VPS35L: variants seen among roughly 807,000 people sequenced by gnomAD.
The protein encoded by VPS35L is VPS35 endosomal protein-sorting factor-like.
Under a neutral mutation model 133.0 loss-of-function variants are expected in VPS35L, and 83 were observed. That is an observed-to-expected ratio of 0.62 (90% CI 0.52 to 0.75). The LOEUF (loss-of-function observed/expected upper bound fraction) is 0.75. Ranked by LOEUF, VPS35L falls within the 30% of genes least tolerant of loss-of-function variation. VPS35L has a pLI of 0.00. For missense variants in VPS35L, 1,083 were observed against 1,206.8 expected, an observed-to-expected ratio of 0.90 and a Z score of 1.52; for synonymous variants, 423 against 449.9, an observed-to-expected ratio of 0.94 and a Z score of 0.76.
chr16:19,589,182 T>C (rs1177749329), intron 7 of VPS35L, among the ~76,000 whole-genome samples: 2 of 152,348 alleles, frequency 1.3e-5, no homozygotes, highest in East Asian at 3.9e-4. Flanking sequence ...AGTAATGGTC[T>C]ACTTCTTTCC....
At chr16:19,666,547 A>G (rs531812459) in intron 26 of VPS35L, among the ~76,000 whole-genome samples, 13 of 152,330 alleles carry the variant, frequency 8.5e-5, no homozygotes, top group Non-Finnish European at 1.0e-4. Flanking sequence ...TGCATGCCCC[A>G]ACCTTTAAAT....
intron 5 of VPS35L, among the ~76,000 whole-genome samples, chr16:19,576,241 C>T (rs1402222215): frequency 6.6e-6 from 1 of 150,908 alleles, no homozygotes; most frequent in Non-Finnish European, 1.5e-5. Context: ...TTAAGAATTA[C>T]AGAGGAAGTA....
chr16:19,564,600 T>C (rs976582868), intron 1 of VPS35L, among the ~76,000 whole-genome samples: 20 of 152,306 alleles, frequency 1.3e-4, no homozygotes, highest in African/African-American at 4.3e-4. Flanking sequence ...TATTTTACCA[T>C]GTTGGCCAGG....
chr16:19,579,354 G>A (rs1467964630), intron 6 of VPS35L: 1 of 494,556 alleles, frequency 2.0e-6, no homozygotes, highest in East Asian at 3.3e-5. Context: ...TTCTCATTGT[G>A]ATGCCTGAGC....
intron 17 of VPS35L, 123 bp from the exon 18 acceptor site, chr16:19,629,644 C>A: frequency 2.8e-6 from 2 of 713,208 alleles, no homozygotes; most frequent in Non-Finnish European, 4.8e-6. Flanking sequence ...GCCTTTAAGC[C>A]AGTAATTAGC....
rs545505322 is a variant in VPS35L, at chr16:19,692,593, C to T, written c.2646+1122C>T. The stretch of plus-strand genomic sequence containing the variant: ...TTTTATTTTTTTTGAGACGGAGTTT[C>T]GCTCTTGTTGCCCAGGCTGGAGTGC... On this transcript the variant is annotated intron_variant, in intron 29 of 30. Transcript: ENST00000417362. Among the ~76,000 whole-genome samples the T allele has an allele frequency of 6.6e-5, 10 of 151,952 alleles. 1 individual carries two copies. The highest frequency in any genetic ancestry group is 1.7e-4 in the African/African-American group (7 of 41,334).
intron 14 of VPS35L, 74 bp from the exon 15 acceptor site, chr16:19,626,103 T>C (rs1224410248): frequency 2.0e-6 from 2 of 980,066 alleles, no homozygotes; most frequent in Non-Finnish European, 3.0e-6. Context: ...AGTTCGACTT[T>C]GGAAATCTCT....
At chr16:19,611,435 T>A (rs1481677658) in intron 12 of VPS35L, among the ~76,000 whole-genome samples, 1 of 152,204 alleles carries the variant, frequency 6.6e-6, no homozygotes, top group African/African-American at 2.4e-5. Context: ...TTGCACCTGA[T>A]AAGCCCCAGA....
In VPS35L at chr16:19,656,757, C is replaced by G. The variant is rs190042889; in HGVS notation, c.2221+4667C>G. Among the ~76,000 whole-genome samples, 30 of 151,946 alleles carry G rather than the reference C, an allele frequency of 2.0e-4. No individual in the cohort carries two copies. In the South Asian group the frequency reaches 2.1e-3, roughly 11 times the overall value. On this transcript the variant is annotated intron_variant, in intron 26 of 30. Transcript: ENST00000417362. Reference sequence around the variant, plus strand: ...GAAAGTATGCCATGGGTTTTAGGAGCTAACTGTATACAGTACGTTGAGAGC... The same window carrying G: ...GAAAGTATGCCATGGGTTTTAGGAGGTAACTGTATACAGTACGTTGAGAGC...
intron 27 of VPS35L, among the ~76,000 whole-genome samples, chr16:19,672,384 GTGA>G (rs1832447230): frequency 6.6e-6 from 1 of 152,216 alleles, no homozygotes; most frequent in African/African-American, 2.4e-5. Context: ...CCTTTTTGGG[GTGA>G]TGATATGTTC....
At chr16:19,637,691 G>T (rs375345877) in intron 20 of VPS35L, 35 bp downstream of exon 20, 3 of 1,452,522 alleles carry the variant, frequency 2.1e-6, no homozygotes, top group South Asian at 1.2e-5. Context: ...TTGGAAATTT[G>T]TACCTGGCTC....
At chr16:19,616,258 A>T (rs2151553137) in intron 13 of VPS35L, 67 bp downstream of exon 13, 1 of 1,439,030 alleles carries the variant, frequency 6.9e-7, no homozygotes, top group Non-Finnish European at 9.7e-7. Context: ...CACAAAACCC[A>T]GTTGGTTTTC....
intron 11 of VPS35L, among the ~76,000 whole-genome samples, chr16:19,609,775 A>G (rs1972651871): frequency 6.6e-6 from 1 of 152,164 alleles, no homozygotes; most frequent in African/African-American, 2.4e-5. Flanking sequence ...TTGGGGGAAT[A>G]ACATGGGGGC....
Position 19,633,492 on chromosome 16 carries a change from G to A in VPS35L, c.1635+320G>A, listed in dbSNP as rs146304819. ...TTGTTGTCACCAGTAAGTAAACTGCGAGTATTTTTAGTTAAATCAACTTTG... is the reference window on the plus strand; with the variant it reads ...TTGTTGTCACCAGTAAGTAAACTGCAAGTATTTTTAGTTAAATCAACTTTG... On this transcript the variant is annotated intron_variant, in intron 19 of 30. Coordinates refer to ENST00000417362, the MANE Select transcript of VPS35L (RefSeq NM_020314.7). This position sits in a 1 kb window ranked among gnomAD's most constrained non-coding sequence, Gnocchi z 4.1. 4.6e-5 allele frequency among the ~76,000 whole-genome samples: 7 copies of A among 152,288 alleles called. No homozygotes were observed. The highest frequency in any genetic ancestry group is 1.9e-4 in the East Asian group (1 of 5,182).
chr16:19,582,111 A>G (rs901788901), intron 7 of VPS35L: 2 of 154,608 alleles, frequency 1.3e-5, no homozygotes, highest in African/African-American at 4.8e-5. Flanking sequence ...TGACAAGGAG[A>G]AGTTTACAGC....
chr16:19,635,659 C>A (rs1298152971), intron 19 of VPS35L, among the ~76,000 whole-genome samples: 2 of 152,058 alleles, frequency 1.3e-5, no homozygotes, highest in African/African-American at 4.8e-5. Flanking sequence ...GTGGAAATGT[C>A]AGAGAATATG....
chr16:19,687,431 C>T lies in VPS35L; in HGVS notation c.2528-3922C>T, dbSNP rs2301650. Among the ~76,000 whole-genome samples, 274 of 152,274 alleles carry T rather than the reference C, an allele frequency of 1.8e-3. 9 individuals are homozygous for T. The East Asian group carries it at 0.046, about 26-fold the overall frequency. On this transcript the variant is annotated intron_variant, in intron 28 of 30. Transcript: ENST00000417362. ...TCTCGCTTCTTACAAGAGTAACTGC[C>T]GTCCCCCACTGGGGAGGTACAAGTC...
At chr16:19,632,184 A>G (rs1868825311) in intron 18 of VPS35L, among the ~76,000 whole-genome samples, 1 of 151,924 alleles carries the variant, frequency 6.6e-6, no homozygotes, top group Admixed American at 6.6e-5. Flanking sequence ...GCTGGTCTCG[A>G]ACTCCTGACC....
intron 8 of VPS35L, 160 bp from the exon 9 acceptor site, chr16:19,601,504 A>G (rs1418737621): frequency 3.1e-6 from 2 of 655,182 alleles, no homozygotes; most frequent in African/African-American, 3.7e-5. Flanking sequence ...CAAAACAAAA[A>G]AAATGTGGCT....
Sources: gnomAD v4.1 joint callset for allele counts (sites outside exome capture counted in the v4.1 genomes callset) on GRCh38, gnomAD v4.1.1 for gene constraint, Gnocchi (gnomAD v3.1) non-coding constraint, MANE v1.5 for transcripts, NCBI Gene and HGNC (gene_info 2026-07-23, HGNC 2026-07-21) for gene names.